Variants in ATP6V0A1 observed in about 807,000 individuals in gnomAD.
ATP6V0A1 encodes V-type proton ATPase 116 kDa subunit a 1.
Under a neutral mutation model 105.4 loss-of-function variants are expected in ATP6V0A1, and 43 were observed. The ratio of observed to expected loss-of-function variants is 0.41; its 90% confidence interval spans 0.32 to 0.53. ATP6V0A1 has a LOEUF of 0.53. Ranked by LOEUF, ATP6V0A1 falls within the 20% of genes least tolerant of loss-of-function variation. The pLI is 0.30. For synonymous variants in ATP6V0A1, 362 were observed against 372.8 expected (o/e 0.97, Z 0.33); for missense variants, 676 against 1,051.1 (o/e 0.64, Z 4.93).
At chr17:42,518,041 C>T (rs2092699526) in intron 21 of ATP6V0A1, 1 of 152,230 alleles carries the variant, frequency 6.6e-6, no homozygotes, top group Non-Finnish European at 1.5e-5. Context: ...CTCTTTTCCT[C>T]CCTCCTGCCA....
chr17:42,503,130 C>T (rs138259162), intron 17 of ATP6V0A1, among the ~76,000 whole-genome samples: 123 of 152,286 alleles, frequency 8.1e-4, no homozygotes, highest in Non-Finnish European at 1.5e-3. Context: ...TTGTTGTACC[C>T]TCACTGAGTC....
chr17:42,513,447 C>T (rs2146293235), intron 19 of ATP6V0A1: 1 of 166,926 alleles, frequency 6.0e-6, no homozygotes, highest in East Asian at 1.7e-4. Context: ...AAATCCCTTC[C>T]TGCCCTCCTG....
At chr17:42,466,626 A>T in intron 3 of ATP6V0A1, 119 bp downstream of exon 3, 1 of 849,922 alleles carries the variant, frequency 1.2e-6, no homozygotes. Context: ...AAAATCTTGC[A>T]GTTAAGATGC....
Position 42,458,975 on chromosome 17 carries a change from C to A in ATP6V0A1, c.-48+12C>A. On this transcript the variant is annotated intron_variant, in intron 1 of 21. Transcript: ENST00000343619. ...GGCGGAGTTTGGAGGTGAGTGGGGG[C>A]TGTAGGTTTAGCGCAACAGGGAGCG... 1 of 152,902 alleles carries A rather than the reference C, an allele frequency of 6.5e-6. No individual in the cohort carries two copies. The highest frequency in any genetic ancestry group is 1.9e-4 in the East Asian group (1 of 5,332). 9.5% of individuals were successfully genotyped at this position (152,902 alleles called of 1,614,324 possible).
At chr17:42,470,337 A>G (rs1251415675) in intron 5 of ATP6V0A1, 119 bp downstream of exon 5, 2 of 1,249,198 alleles carry the variant, frequency 1.6e-6, no homozygotes, top group African/African-American at 1.5e-5. Flanking sequence ...CCATTTTTGC[A>G]CCCTGTTTTA....
At chr17:42,502,473 G>A (rs970566237) in intron 17 of ATP6V0A1, among the ~76,000 whole-genome samples, 1 of 151,498 alleles carries the variant, frequency 6.6e-6, no homozygotes, top group East Asian at 1.9e-4. Flanking sequence ...CTTAATGTCT[G>A]TGTGTATATG....
At chr17:42,508,648 G>C in intron 19 of ATP6V0A1, 59 bp downstream of exon 19, 1 of 1,608,880 alleles carries the variant, frequency 6.2e-7, no homozygotes, top group South Asian at 1.1e-5. Context: ...TCCCATCCTT[G>C]TGATCACTCT....
chr17:42,483,198 T>C, intron 9 of ATP6V0A1, 67 bp downstream of exon 9: 1 of 1,220,474 alleles, frequency 8.2e-7, no homozygotes, highest in Non-Finnish European at 1.1e-6. Flanking sequence ...TATCCTTCCT[T>C]GAAATGCTGA....
At chr17:42,512,363 G>A (rs568223060) in intron 19 of ATP6V0A1, among the ~76,000 whole-genome samples, 1 of 152,328 alleles carries the variant, frequency 6.6e-6, no homozygotes, top group Non-Finnish European at 1.5e-5. Context: ...GAGCCCAGTG[G>A]TCACTGCCCT....
rs371426599 is a variant in ATP6V0A1, at chr17:42,461,028, C to T, written c.117+17C>T. ...TTTCGTGACGTAAGTAGTTGTGGGG[C>T]TGCGACTTGATTACTGCTGAACTCT... On this transcript the variant is annotated intron_variant, in intron 2 of 21. Transcript: ENST00000343619. The T allele has an allele frequency of 8.8e-6, 14 of 1,592,800 alleles. No individual in the cohort carries two copies. In the African/African-American group the frequency reaches 1.9e-4, roughly 21 times the overall value.
At chr17:42,477,578 T>A in intron 5 of ATP6V0A1, 82 bp from the exon 6 acceptor site, 1 of 1,422,460 alleles carries the variant, frequency 7.0e-7, no homozygotes, top group Non-Finnish European at 9.8e-7. Context: ...GTCTCCTGGT[T>A]CCTCGTTGCC....
chr17:42,459,168 T>C (rs2086095577), intron 1 of ATP6V0A1: 2 of 152,238 alleles, frequency 1.3e-5, no homozygotes, highest in Non-Finnish European at 2.9e-5. Flanking sequence ...CCCGCATCTC[T>C]TCCCTGCTTT....
chr17:42,473,178 G>A (rs1392026358), intron 5 of ATP6V0A1, among the ~76,000 whole-genome samples: 1 of 152,164 alleles, frequency 6.6e-6, no homozygotes, highest in Non-Finnish European at 1.5e-5. Context: ...GAGACTAGTG[G>A]TAACTTCTTT....
Position 42,521,023 on chromosome 17 carries a change from C to A in ATP6V0A1, c.2421-4C>A. 2 of 1,591,986 alleles carry A rather than the reference C, an allele frequency of 1.3e-6. No homozygotes were observed. The highest frequency in any genetic ancestry group is 1.7e-6 in the Non-Finnish European group (2 of 1,169,136). On this transcript the variant is annotated splice_polypyrimidine_tract_variant and splice_region_variant and intron_variant, in intron 21 of 21. Transcript: ENST00000343619. The surrounding 1 kb of genome is among the most constrained non-coding windows in gnomAD (Gnocchi z 4.8). ...ATGACAGCTTTCTTCTTCTCTTTCT[C>A]CAGGGTTGAGTTCCAGAATAAATTC... is the stretch of plus-strand genomic sequence containing the variant.
At position 42,494,671 on chromosome 17, in the gene ATP6V0A1, G is replaced by C. The variant is rs1000913430; in HGVS notation, c.1314+198G>C. On this transcript the variant is annotated intron_variant, in intron 12 of 21. Coordinates refer to ENST00000343619, the MANE Select transcript of ATP6V0A1 (RefSeq NM_001130021.3). The stretch of plus-strand genomic sequence containing the variant: ...TGCCTGTAGTCCCAGCTACTTGGAG[G>C]CTGAGGCAGGAGAATCACTTGAGCC... 13 of 623,450 alleles carry C rather than the reference G, an allele frequency of 2.1e-5. No individual in the cohort carries two copies. The Admixed American group carries it at 4.3e-4, about 21-fold the overall frequency. The allele number at this position is 623,450 out of a possible 1,614,324, so 38.6% of individuals were successfully genotyped here.
At position 42,521,284 on chromosome 17, in the gene ATP6V0A1, A is replaced by T; in HGVS notation, c.*164A>T. 1 of 513,290 alleles carries T rather than the reference A, an allele frequency of 1.9e-6. No homozygotes were observed. The highest frequency in any genetic ancestry group is 4.1e-5 in the Admixed American group (1 of 24,632). 31.8% of individuals were successfully genotyped at this position (513,290 alleles called of 1,614,324 possible). ...AATAGTCCTCCTTGGGTCTCCCACC[A>T]CCCCTAGCTTTGTGTGTAGTGTAGT... On this transcript the variant is annotated 3_prime_UTR_variant, in exon 22 of 22. Coordinates refer to ENST00000343619, the MANE Select transcript of ATP6V0A1 (RefSeq NM_001130021.3). The surrounding 1 kb of genome is among the most constrained non-coding windows in gnomAD (Gnocchi z 4.8).
intron 8 of ATP6V0A1, 145 bp downstream of exon 8, chr17:42,480,894 T>TATTTC: frequency 1.5e-6 from 1 of 648,184 alleles, no homozygotes; most frequent in East Asian, 3.2e-5. Context: ...TTTTAATCAA[T>TATTTC]TAGAAATAGC....
intron 14 of ATP6V0A1, among the ~76,000 whole-genome samples, chr17:42,498,631 C>T (rs1466527463): frequency 6.6e-6 from 1 of 152,048 alleles, no homozygotes; most frequent in Admixed American, 6.6e-5. Context: ...TCGAGACCAT[C>T]CTGGCTAACA....
intron 17 of ATP6V0A1, among the ~76,000 whole-genome samples, chr17:42,503,509 T>G (rs1567858833): frequency 6.6e-6 from 1 of 152,212 alleles, no homozygotes; most frequent in African/African-American, 2.4e-5. Flanking sequence ...CTGATACTAA[T>G]TCAAGATTCA....
Sources: allele counts gnomAD v4.1 joint callset (sites outside exome capture counted in the v4.1 genomes callset), GRCh38; gene constraint gnomAD v4.1.1; non-coding constraint Gnocchi (gnomAD v3.1); transcripts MANE v1.5; gene names NCBI Gene and HGNC (gene_info 2026-07-23, HGNC 2026-07-21).